The following SYNPO variants were observed in gnomAD, a reference collection of about 807,000 sequenced individuals.
SYNPO encodes synaptopodin.
SYNPO carries 19 observed loss-of-function variants against 49.5 expected under a neutral mutation model. That is an observed-to-expected ratio of 0.38 (90% CI 0.27 to 0.56). The LOEUF (loss-of-function observed/expected upper bound fraction) is 0.56, where lower values mean the gene tolerates loss of function less well. Among genes scored for constraint, SYNPO ranks in the 20% least tolerant of loss-of-function variants. SYNPO has a pLI of 0.68. For missense variants in SYNPO, 1,131 were observed against 1,248.3 expected (o/e 0.91, Z 1.42); for synonymous variants, 536 against 548.0 (o/e 0.98, Z 0.31).
chr5:150,618,490 C>A (rs1441327711), exon 2 of SYNPO: 2 of 1,551,322 alleles, frequency 1.3e-6, no homozygotes, highest in South Asian at 2.4e-5. Flanking sequence ...AGGAGAGCAG[C>A]GGTGAGGAGG....
Position 150,658,856 on chromosome 5 carries a change from A to C in SYNPO, c.*1769A>C, listed in dbSNP as rs1303223636. The C allele has an allele frequency of 8.4e-6, 1 of 118,384 alleles. No homozygotes were observed. Among genetic ancestry groups the C allele is most frequent in the Non-Finnish European group, 1.9e-5 (1 of 52,370 alleles). The allele number at this position is 118,384 out of a possible 1,614,324, so 7.3% of individuals were successfully genotyped here. ...TGCTCCTGCTGCTGTGAAGATGAGAAGGTGCTCTTACTCAGTTAATGATGA... is the reference window on the plus strand; with the variant it reads ...TGCTCCTGCTGCTGTGAAGATGAGACGGTGCTCTTACTCAGTTAATGATGA... On this transcript the variant is annotated 3_prime_UTR_variant, in exon 3 of 3. Transcript: ENST00000307662.
chr5:150,645,773 G>A (rs1263584697), intron 1 of SYNPO, among the ~76,000 whole-genome samples: 3 of 152,126 alleles, frequency 2.0e-5, no homozygotes, highest in South Asian at 2.1e-4. Flanking sequence ...CTGAACCTCC[G>A]TTTCTTCTTC....
chr5:150,646,117 C>G (rs924993052), intron 1 of SYNPO, among the ~76,000 whole-genome samples: 1 of 151,736 alleles, frequency 6.6e-6, no homozygotes, highest in African/African-American at 2.4e-5. Context: ...ATCACTTGGG[C>G]CCAGGAGTTT....
chr5:150,643,637 C>T (rs1449807186), intron 1 of SYNPO, among the ~76,000 whole-genome samples: 1 of 152,112 alleles, frequency 6.6e-6, no homozygotes, highest in African/African-American at 2.4e-5. Flanking sequence ...CTAGTTCAAG[C>T]GATTCTTTTG....
chr5:150,640,853 G>C lies in SYNPO; in HGVS notation c.-334G>C, dbSNP rs976688147. On this transcript the variant is annotated splice_region_variant and 5_prime_UTR_variant, in exon 1 of 3. Coordinates refer to ENST00000307662, the MANE Select transcript of SYNPO (RefSeq NM_007286.6). The stretch of plus-strand genomic sequence containing the variant: ...GCTTGGCTTCAGGGAGGACCTAGCA[G>C]AGTGAGTAAGATGAGCACCCGGAGG... 2.0e-6 allele frequency: 2 copies of C among 985,532 alleles called. No individual in the cohort carries two copies. The highest frequency in any genetic ancestry group is 1.7e-5 in the African/African-American group (1 of 57,242). 61.0% of individuals were successfully genotyped at this position (985,532 alleles called of 1,614,324 possible).
chr5:150,618,638 T>G, exon 2 of SYNPO: 1 of 1,551,002 alleles, frequency 6.4e-7, no homozygotes, highest in Non-Finnish European at 8.7e-7. Context: ...ACCCAGCTGC[T>G]CCAGAGAGGA....
chr5:150,657,173 G>C lies in SYNPO; in HGVS notation c.*86G>C. The stretch of plus-strand genomic sequence containing the variant: ...GGGACCCAAAGGGTCTGGCCTCTTT[G>C]GGCAGCCCCAGAGATGAGGGGTCAG... On this transcript the variant is annotated 3_prime_UTR_variant, in exon 3 of 3. Transcript: ENST00000307662. 1.4e-6 allele frequency: 2 copies of C among 1,416,536 alleles called. No homozygotes were observed. Among genetic ancestry groups the C allele is most frequent in the Non-Finnish European group, 1.9e-6 (2 of 1,058,656 alleles). The allele number at this position is 1,416,536 out of a possible 1,614,324, so 87.7% of individuals were successfully genotyped here. A position where few individuals can be genotyped will look rare whatever the true frequency, so the allele number is the denominator to read the frequency against.
the SYNPO span, among the ~76,000 whole-genome samples, chr5:150,586,533 GATAA>G: frequency 6.6e-6 from 1 of 151,864 alleles, no homozygotes; most frequent in Non-Finnish European, 1.5e-5. Flanking sequence ...TAGGTAGGTG[GATAA>G]ATAGACAGAT....
Position 150,656,438 on chromosome 5 carries a change from G to C in SYNPO, c.2063G>C (p.Trp688Ser). 1 of 1,531,874 alleles carries C rather than the reference G, an allele frequency of 6.5e-7. No homozygotes were observed. The highest frequency in any genetic ancestry group is 8.7e-7 in the Non-Finnish European group (1 of 1,145,276). The allele number at this position is 1,531,874 out of a possible 1,614,324, so 94.9% of individuals were successfully genotyped here. ...GAGAGCCTGCCCACCTCCCCACCCTGGACGCCGGGCGCGTCCCGGCCCCCC... is the reference window on the plus strand; with the variant it reads ...GAGAGCCTGCCCACCTCCCCACCCTCGACGCCGGGCGCGTCCCGGCCCCCC... ...RRESLPTSPP[W>S]TPGASRPPSS... Residue 688 changes from tryptophan (W) to serine (S), a missense_variant, in exon 3 of 3, where the codon TGG becomes TCG. Transcript: ENST00000307662.
intron 1 of SYNPO, among the ~76,000 whole-genome samples, chr5:150,617,222 T>G (rs1350823909): frequency 6.6e-6 from 1 of 152,184 alleles, no homozygotes; most frequent in Admixed American, 6.5e-5. Flanking sequence ...GGCTTGTTGA[T>G]CGTCACACAA....
chr5:150,649,492 G>T lies in SYNPO; in HGVS notation c.1217G>T (p.Arg406Leu), dbSNP rs1188196591. The change falls in exon 2 of 3, where the codon CGG (arginine) becomes CTG (leucine). Residue 406 changes from arginine to leucine, a missense_variant. Coordinates refer to ENST00000307662, the MANE Select transcript of SYNPO (RefSeq NM_007286.6). Reference sequence around the variant, plus strand: ...CTGGTACAGACAGCGGATGAGAAGCGGCGGCAGAGGGACCAGGGGGAGGTA... The same window carrying T: ...CTGGTACAGACAGCGGATGAGAAGCTGCGGCAGAGGGACCAGGGGGAGGTA... The part of the protein sequence containing the change: ...LDLVQTADEK[R>L]RQRDQGEVGV... 1.2e-6 allele frequency: 2 copies of T among 1,613,514 alleles called. No individual in the cohort carries two copies. Among genetic ancestry groups the T allele is most frequent in the East Asian group, 4.5e-5 (2 of 44,868 alleles).
intron 1 of SYNPO, among the ~76,000 whole-genome samples, chr5:150,647,309 C>G (rs1476817636): frequency 6.7e-6 from 1 of 150,310 alleles, no homozygotes; most frequent in Non-Finnish European, 1.5e-5. Context: ...GGTGAGGAGA[C>G]AGATAATAGA....
At chr5:150,603,043 G>GTGTGTGTGTGTGT (rs1561629816) in intron 1 of SYNPO, among the ~76,000 whole-genome samples, 4 of 95,792 alleles carry the variant, frequency 4.2e-5, no homozygotes, top group African/African-American at 1.7e-4. Context: ...TGTGTGTGTG[G>GTGTGTGTGTGTGT]TGTATGCTGT....
At chr5:150,642,154 C>G (rs1463346890) in intron 1 of SYNPO, among the ~76,000 whole-genome samples, 1 of 152,236 alleles carries the variant, frequency 6.6e-6, no homozygotes, top group Admixed American at 6.5e-5. Context: ...AGCACTGAGC[C>G]TGGGCTGCAG....
chr5:150,589,305 C>T, the SYNPO span, among the ~76,000 whole-genome samples: 1,179 of 152,208 alleles, frequency 7.7e-3, 11 homozygotes, highest in African/African-American at 0.027. Context: ...CTCAAGTGAT[C>T]CACCCACATC....
chr5:150,597,044 C>A (rs1180280522), upstream of SYNPO, among the ~76,000 whole-genome samples: 2 of 152,204 alleles, frequency 1.3e-5, no homozygotes, highest in African/African-American at 2.4e-5. Flanking sequence ...TCTCAATAAA[C>A]CTCCCTTGGG....
intron 1 of SYNPO, among the ~76,000 whole-genome samples, chr5:150,607,764 G>T (rs536451155): frequency 6.9e-6 from 1 of 144,012 alleles, no homozygotes; most frequent in Non-Finnish European, 1.5e-5. Flanking sequence ...TATCTAGCAG[G>T]TACACTAAAA....
chr5:150,597,182 G>A (rs1201849653), upstream of SYNPO, among the ~76,000 whole-genome samples: 1 of 152,192 alleles, frequency 6.6e-6, no homozygotes, highest in Non-Finnish European at 1.5e-5. Context: ...CCATGCTCAA[G>A]GACTGTTTTC....
At position 150,656,923 on chromosome 5, in the gene SYNPO, C is replaced by T; in HGVS notation, c.2548C>T (p.Leu850Phe). The change falls in exon 3 of 3, where the codon CTC becomes TTC. Residue 850 changes from leucine to phenylalanine, a missense_variant. By Grantham distance (22) the Leu-to-Phe change is conservative (BLOSUM62 0). This residue lies in a region of SYNPO where 509 missense variants were observed against 484.5 expected (regional missense o/e 1.05). Coordinates refer to ENST00000307662, the MANE Select transcript of SYNPO (RefSeq NM_007286.6). ...SPLPAPPRPF[L>F]YRRSPTDSDV... ...GCTGCCCGCGCCTCCCAGGCCCTTC[C>T]TCTACCGCCGCTCGCCCACGGACTC... 4 of 1,580,238 alleles carry T rather than the reference C, an allele frequency of 2.5e-6. No homozygotes were observed. The highest frequency in any genetic ancestry group is 3.4e-6 in the Non-Finnish European group (4 of 1,163,972).
Sources: allele counts gnomAD v4.1 joint callset (sites outside exome capture counted in the v4.1 genomes callset), GRCh38; gene constraint gnomAD v4.1.1; regional missense constraint gnomAD v4.1.1; transcripts MANE v1.5; gene names NCBI Gene and HGNC (gene_info 2026-07-23, HGNC 2026-07-21).